The following EDRF1 variants were observed in gnomAD, a reference collection of about 807,000 sequenced individuals.
EDRF1 encodes the protein erythroid differentiation regulatory factor 1, also known as erythroid differentiation-related factor 1.
A neutral mutation model predicts 148.7 loss-of-function variants in EDRF1; 69 were observed. That is an observed-to-expected ratio of 0.46 (90% CI 0.38 to 0.57). The LOEUF (loss-of-function observed/expected upper bound fraction) is 0.57, where lower values mean the gene tolerates loss of function less well. Among genes scored for constraint, EDRF1 ranks in the 20% least tolerant of loss-of-function variants. EDRF1 has a pLI of 0.00. For missense variants in EDRF1, 1,118 were observed against 1,478.7 expected (o/e 0.76, Z 4.00); for synonymous variants, 515 against 532.8 (o/e 0.97, Z 0.46).
chr10:125,732,246 GA>G (rs1303378231), intron 9 of EDRF1, among the ~76,000 whole-genome samples: 22 of 152,138 alleles, frequency 1.4e-4, no homozygotes, highest in Non-Finnish European at 8.8e-5. Flanking sequence ...GGGAGCAAGA[GA>G]AAAGAGAGAG....
At chr10:125,741,249 C>G (rs745721891) in intron 17 of EDRF1, 48 bp downstream of exon 17, 2 of 1,488,002 alleles carry the variant, frequency 1.3e-6, no homozygotes, top group African/African-American at 2.8e-5. Context: ...ACTGTGCAGT[C>G]TAGCTCATGC....
chr10:125,733,438 A>G lies in EDRF1; in HGVS notation c.1163A>G (p.Asn388Ser), dbSNP rs1453324992. The change falls in exon 10 of 25, where the codon AAT (asparagine) becomes AGT (serine). Residue 388 changes from asparagine to serine, a missense_variant. Coordinates refer to ENST00000356792, the MANE Select transcript of EDRF1 (RefSeq NM_001202438.2). ...ATGATAAAGACAGAAGAAATTCCCA[A>G]TTTGGAAAATTCTAATTTTTCTACT... Reference protein sequence around the residue: ...YEMIKTEEIPNLENSNFSTKV... With the variant: ...YEMIKTEEIPSLENSNFSTKV... 1.3e-6 allele frequency: 2 copies of G among 1,588,980 alleles called. No individual in the cohort carries two copies. The highest frequency in any genetic ancestry group is 1.7e-6 in the Non-Finnish European group (2 of 1,161,330).
intron 13 of EDRF1, among the ~76,000 whole-genome samples, chr10:125,737,100 A>G (rs1473086134): frequency 6.6e-6 from 1 of 152,128 alleles, no homozygotes; most frequent in African/African-American, 2.4e-5. Context: ...GAACTTCCAC[A>G]GTGGAGTGAA....
Position 125,740,447 on chromosome 10 carries a change from T to TC in EDRF1, c.1982-15dup. ...AAATGAAATGTGCTGTCTTTTTTTTTCTCTCCATGTCACAGTGGGCTCCCT... is the reference window on the plus strand; with the variant it reads ...AAATGAAATGTGCTGTCTTTTTTTTTCCTCTCCATGTCACAGTGGGCTCCCT... On this transcript the variant is annotated splice_polypyrimidine_tract_variant and intron_variant, in intron 15 of 24. Coordinates refer to ENST00000356792, the MANE Select transcript of EDRF1 (RefSeq NM_001202438.2). 4 of 1,613,306 alleles carry TC rather than the reference T, an allele frequency of 2.5e-6. No individual in the cohort carries two copies. The highest frequency in any genetic ancestry group is 2.2e-5 in the East Asian group (1 of 44,872).
At position 125,729,053 on chromosome 10, in the gene EDRF1, C is replaced by T. The variant is rs781431749; in HGVS notation, c.843C>T (p.Ala281=). Residue 281 remains alanine (A), a synonymous_variant, in exon 7 of 25, where the codon GCC becomes GCT. Coordinates refer to ENST00000356792, the MANE Select transcript of EDRF1 (RefSeq NM_001202438.2). ...ACATAGTGGGGCATGTGGCCTCAGC[C>T]CCCAAAGAACAAAACCTGATTACTT... ...PSYIVGHVAS[A]PKEQNLITLF... is the part of the protein sequence containing the mutation. The T allele has an allele frequency of 2.5e-6, 4 of 1,581,760 alleles. No individual in the cohort carries two copies. In the African/African-American group the frequency reaches 4.0e-5, roughly 16 times the overall value.
At chr10:125,757,958 G>A (rs1849995708) in intron 24 of EDRF1, among the ~76,000 whole-genome samples, 2 of 152,144 alleles carry the variant, frequency 1.3e-5, no homozygotes, top group African/African-American at 4.8e-5. Flanking sequence ...CTCCTCTGTA[G>A]CCCGTTATGC....
rs1848371339 is a variant in EDRF1, at chr10:125,728,709, G to A, written c.793-294G>A. 2.0e-5 allele frequency among the ~76,000 whole-genome samples: 3 copies of A among 152,306 alleles called. 1 individual carries two copies. In the South Asian group the frequency reaches 6.2e-4, roughly 32 times the overall value. On this transcript the variant is annotated intron_variant, in intron 6 of 24. Coordinates refer to ENST00000356792, the MANE Select transcript of EDRF1 (RefSeq NM_001202438.2). ...ATAGATAGAGTAGGCTGAAAGAGCA[G>A]TGGTAATCAGATGCACCAAAAAAGA...
At chr10:125,758,256 T>G (rs1465653812) in intron 24 of EDRF1, among the ~76,000 whole-genome samples, 1 of 152,236 alleles carries the variant, frequency 6.6e-6, no homozygotes, top group Non-Finnish European at 1.5e-5. Context: ...ATCCATCTTG[T>G]CCATTAGTGT....
In EDRF1 at chr10:125,740,332, A is replaced by G. The variant is rs2277211; in HGVS notation, c.1982-131A>G. 8.8e-3 allele frequency: 8,513 copies of G among 963,356 alleles called. 348 individuals are homozygous for G. The East Asian group carries it at 0.12, about 14-fold the overall frequency. 59.7% of individuals were successfully genotyped at this position (963,356 alleles called of 1,614,324 possible). A position where few individuals can be genotyped will look rare whatever the true frequency, so the allele number is the denominator to read the frequency against. On this transcript the variant is annotated intron_variant, in intron 15 of 24. Coordinates refer to ENST00000356792, the MANE Select transcript of EDRF1 (RefSeq NM_001202438.2). ...TTTCACTCCAGTGTATTTAAGCAGT[A>G]AAGCATAGTATTTACCAGTCTTGTC...
At chr10:125,725,927 G>A in intron 6 of EDRF1, 89 bp downstream of exon 6, 3 of 1,353,296 alleles carry the variant, frequency 2.2e-6, no homozygotes, top group Non-Finnish European at 3.1e-6. Context: ...AGATGAACAG[G>A]ACTAAGAAAT....
At chr10:125,757,138 T>C in intron 24 of EDRF1, 1 of 343,796 alleles carries the variant, frequency 2.9e-6, no homozygotes, top group Middle Eastern at 8.0e-4. Flanking sequence ...TTAAATCCAG[T>C]CTTACAATTG....
Position 125,743,066 on chromosome 10 carries a change from T to C in EDRF1, c.2380T>C (p.Trp794Arg). The C allele has an allele frequency of 2.5e-6, 4 of 1,613,680 alleles. No homozygotes were observed. Among genetic ancestry groups the C allele is most frequent in the Non-Finnish European group, 2.5e-6 (3 of 1,179,914 alleles). The change falls in exon 18 of 25, where the codon TGG becomes CGG. Residue 794 changes from tryptophan to arginine, a missense_variant. Physicochemically the swap from Trp to Arg is moderately radical, Grantham distance 101 (BLOSUM62 -3). This residue lies in a region of EDRF1 where 954 missense variants were observed against 1,241.4 expected (regional missense o/e 0.77). Coordinates refer to ENST00000356792, the MANE Select transcript of EDRF1 (RefSeq NM_001202438.2). Reference sequence around the variant, plus strand: ...CCCTTTTTTCTTTTCAGGATTTGCATGGGCAACTGATTTGTCTACAGACTT... The same window carrying C: ...CCCTTTTTTCTTTTCAGGATTTGCACGGGCAACTGATTTGTCTACAGACTT... ...HRESSCQGFAWATDLSTDLES... is the reference protein window; with the variant it reads ...HRESSCQGFARATDLSTDLES...
intron 2 of EDRF1, among the ~76,000 whole-genome samples, chr10:125,722,066 G>T (rs1234038625): frequency 1.3e-5 from 2 of 152,054 alleles, no homozygotes. Flanking sequence ...TTTATGAGCT[G>T]GTATTTTGGA....
intron 18 of EDRF1, chr10:125,745,322 C>T (rs573088610): frequency 1.7e-4 from 37 of 221,888 alleles, no homozygotes; most frequent in Admixed American, 7.2e-4. Flanking sequence ...TGCAGATAAC[C>T]GCCTTGTCAC....
rs775940318 is a variant in EDRF1 at position 125,719,771 on chromosome 10, C to A, written c.-37C>A. 1.3e-6 allele frequency: 2 copies of A among 1,557,832 alleles called. No homozygotes were observed. Among genetic ancestry groups the A allele is most frequent in the Non-Finnish European group, 1.8e-6 (2 of 1,139,448 alleles). ...GCCTGCGTTGCTGCTGCTGCTCCTC[C>A]GCTCCCCCGTCGTATCGCCTGCCCT... On this transcript the variant is annotated 5_prime_UTR_variant, in exon 1 of 25. Transcript: ENST00000356792.
chr10:125,753,870 A>C (rs1333764874), intron 24 of EDRF1, 25 bp downstream of exon 24: 1 of 1,610,758 alleles, frequency 6.2e-7, no homozygotes, highest in Non-Finnish European at 8.5e-7. Flanking sequence ...TATTTGTAGG[A>C]ATTTCTTTCC....
intron 23 of EDRF1, 148 bp downstream of exon 23, chr10:125,753,062 TTGTTA>T (rs1376408366): frequency 1.5e-6 from 1 of 651,816 alleles, no homozygotes; most frequent in East Asian, 2.8e-5. Flanking sequence ...TAACAGTGAT[TTGTTA>T]TATTTGCCTG....
chr10:125,726,800 G>A (rs563768505), intron 6 of EDRF1, among the ~76,000 whole-genome samples: 2 of 152,280 alleles, frequency 1.3e-5, no homozygotes, highest in African/African-American at 2.4e-5. Context: ...GTCACATAGT[G>A]GTAACAACCA....
intron 23 of EDRF1, 104 bp downstream of exon 23, chr10:125,753,018 CAT>C (rs1849717760): frequency 1.3e-6 from 1 of 790,042 alleles, no homozygotes; most frequent in Non-Finnish European, 2.2e-6. Context: ...TATATACACA[CAT>C]GTACATATGT....
Sources: allele counts gnomAD v4.1 joint callset (sites outside exome capture counted in the v4.1 genomes callset), GRCh38; gene constraint gnomAD v4.1.1; regional missense constraint gnomAD v4.1.1; transcripts MANE v1.5; gene names NCBI Gene and HGNC (gene_info 2026-07-23, HGNC 2026-07-21).